ZC3H12D: variants seen among roughly 807,000 people sequenced by gnomAD.
ZC3H12D encodes zinc finger CCCH-type containing 12D, also known as probable ribonuclease ZC3H12D.
Under a neutral mutation model 24.2 loss-of-function variants are expected in ZC3H12D, and 11 were observed. The ratio of observed to expected loss-of-function variants is 0.46; its 90% CI spans 0.29 to 0.75. The LOEUF (loss-of-function observed/expected upper bound fraction) is 0.75, where lower values mean the gene tolerates loss of function less well. ZC3H12D is among the 30% of genes least tolerant of loss of function. The pLI, the probability that ZC3H12D is intolerant of heterozygous loss-of-function variation, is 0.11. For synonymous variants in ZC3H12D, 333 were observed against 341.8 expected (o/e 0.97, Z 0.28); for missense variants, 740 against 767.7 (o/e 0.96, Z 0.43).
At chr6:149,466,915 AT>A (rs1486145444) in intron 2 of ZC3H12D, among the ~76,000 whole-genome samples, 12 of 91,122 alleles carry the variant, frequency 1.3e-4, no homozygotes, top group African/African-American at 4.7e-4. Flanking sequence ...ATAAAATAAA[AT>A]AAAATAAAAT....
Position 149,458,109 on chromosome 6 carries a change from TTC to T in ZC3H12D, c.446-1211_446-1210del, listed in dbSNP as rs1452122425. Among the ~76,000 whole-genome samples, 885 of 108,918 alleles carry T rather than the reference TTC, an allele frequency of 8.1e-3. 12 individuals carry two copies. Among genetic ancestry groups the T allele is most frequent in the African/African-American group, 0.056 (846 of 15,026 alleles). The allele number at this position is 108,918 out of a possible 152,430, so 71.5% of individuals were successfully genotyped here. On this transcript the variant is annotated intron_variant, in intron 3 of 5. Transcript: ENST00000409806. ...TGAGAATCATTTTCTTTCTTTCTTT[TTC>T]TTTTTTTTTTTCGTTTCTTTTTTTT...
At chr6:149,454,715 C>T (rs1775953886) in intron 4 of ZC3H12D, among the ~76,000 whole-genome samples, 2 of 152,362 alleles carry the variant, frequency 1.3e-5, no homozygotes, top group South Asian at 2.1e-4. Flanking sequence ...GGACTTGGCT[C>T]CCGCCCCAGG....
At chr6:149,479,574 C>A (rs1776392584) in intron 1 of ZC3H12D, among the ~76,000 whole-genome samples, 1 of 152,196 alleles carries the variant, frequency 6.6e-6, no homozygotes. Flanking sequence ...TTGCTCACAC[C>A]TGTCTTATAA....
At chr6:149,461,095 C>A (rs1276417634) in intron 3 of ZC3H12D, among the ~76,000 whole-genome samples, 4 of 152,172 alleles carry the variant, frequency 2.6e-5, no homozygotes, top group Admixed American at 6.5e-5. Context: ...CTAATCCCAG[C>A]ACTTTGGGAG....
intron 2 of ZC3H12D, among the ~76,000 whole-genome samples, chr6:149,471,817 G>A (rs1304686080): frequency 1.3e-5 from 2 of 152,234 alleles, no homozygotes; most frequent in Non-Finnish European, 2.9e-5. Flanking sequence ...GCCAACAGGA[G>A]CCACACTTCT....
rs1441277442 is a variant in ZC3H12D at position 149,449,214 on chromosome 6, TCTGA to T, written c.*1465_*1468del. On this transcript the variant is annotated 3_prime_UTR_variant, in exon 6 of 6. Coordinates refer to ENST00000409806, the MANE Select transcript of ZC3H12D (RefSeq NM_207360.3). The stretch of plus-strand genomic sequence containing the variant: ...CGGCACCAGGAAGGTGGCAATAAAC[TCTGA>T]CTGAGCTCATGTCAGTTTTCTCCTA... The T allele has an allele frequency of 2.6e-5, 4 of 152,174 alleles. No homozygotes were observed. Among genetic ancestry groups the T allele is most frequent in the Non-Finnish European group, 4.4e-5 (3 of 68,060 alleles). 9.4% of individuals were successfully genotyped at this position (152,174 alleles called of 1,614,324 possible). A position where few individuals can be genotyped will look rare whatever the true frequency, so the allele number is the denominator to read the frequency against.
In ZC3H12D at chr6:149,456,811, C is replaced by A. The variant is rs762625741; in HGVS notation, c.535G>T (p.Asp179Tyr). 14 of 1,612,968 alleles carry A rather than the reference C, an allele frequency of 8.7e-6. No homozygotes were observed. The highest frequency in any genetic ancestry group is 6.8e-6 in the Non-Finnish European group (8 of 1,179,786). Reference protein sequence around the residue: ...KVHGKRLVCYDDRYIVKVAYE... With the variant: ...KVHGKRLVCYYDRYIVKVAYE... Reference sequence around the variant, plus strand: ...GCCACCTTCACGATGTAGCGGTCGTCGTAGCAGACCAGGCGCTTGCCGTGC... The same window carrying A: ...GCCACCTTCACGATGTAGCGGTCGTAGTAGCAGACCAGGCGCTTGCCGTGC... The change falls in exon 4 of 6, where the codon GAC (aspartate) becomes TAC (tyrosine). Residue 179 changes from aspartate (D) to tyrosine (Y), a missense_variant. Asp to Tyr is a radical substitution (Grantham distance 160, BLOSUM62 -3). Transcript: ENST00000409806. This position sits in a 1 kb window ranked among gnomAD's most constrained non-coding sequence, Gnocchi z 4.3.
chr6:149,449,255 G>T lies in ZC3H12D; in HGVS notation c.*1428C>A, dbSNP rs1311956611. On this transcript the variant is annotated 3_prime_UTR_variant, in exon 6 of 6. Coordinates refer to ENST00000409806, the MANE Select transcript of ZC3H12D (RefSeq NM_207360.3). ...TCAGTTTTCTCCTAACCCACCTGTAGATTTGAGAGCAAAAGTCCTGACTCA... is the reference window on the plus strand; with the variant it reads ...TCAGTTTTCTCCTAACCCACCTGTATATTTGAGAGCAAAAGTCCTGACTCA... 6.6e-6 allele frequency: 1 copy of T among 152,204 alleles called. No homozygotes were observed. Among genetic ancestry groups the T allele is most frequent in the Non-Finnish European group, 1.5e-5 (1 of 68,050 alleles). 9.4% of individuals were successfully genotyped at this position (152,204 alleles called of 1,614,324 possible).
chr6:149,471,805 C>T (rs1776248612), intron 2 of ZC3H12D, among the ~76,000 whole-genome samples: 2 of 152,244 alleles, frequency 1.3e-5, no homozygotes, highest in African/African-American at 2.4e-5. Context: ...AAGAACATTC[C>T]TGCCAACAGG....
intron 2 of ZC3H12D, among the ~76,000 whole-genome samples, chr6:149,464,167 G>T (rs1257372687): frequency 6.6e-6 from 1 of 152,190 alleles, no homozygotes; most frequent in Non-Finnish European, 1.5e-5. Flanking sequence ...TAGGTAGAGG[G>T]GGGCAATATC....
intron 2 of ZC3H12D, among the ~76,000 whole-genome samples, chr6:149,468,512 T>C (rs959829456): frequency 2.0e-5 from 3 of 152,170 alleles, no homozygotes; most frequent in African/African-American, 4.8e-5. Context: ...GTTGTGGCTA[T>C]GGGCAGGAGG....
chr6:149,464,441 A>C (rs381226), intron 2 of ZC3H12D, among the ~76,000 whole-genome samples: 55,182 of 151,990 alleles, frequency 0.36, 10,570 homozygotes, highest in African/African-American at 0.46. Flanking sequence ...ATCACTCCAC[A>C]TCCTCTTCCG....
chr6:149,462,451 C>T (rs450344), intron 2 of ZC3H12D, among the ~76,000 whole-genome samples: 72,619 of 152,044 alleles, frequency 0.48, 21,035 homozygotes, highest in African/African-American at 0.82. Context: ...GTTCATTCTT[C>T]CATTTACAAA....
rs1234563687 is a variant in ZC3H12D at position 149,450,792 on chromosome 6, T to G, written c.1475A>C (p.Asp492Ala). 6.5e-7 allele frequency: 1 copy of G among 1,549,170 alleles called. No homozygotes were observed. The highest frequency in any genetic ancestry group is 8.7e-7 in the Non-Finnish European group (1 of 1,146,780). The change falls in exon 6 of 6, where the codon GAC (aspartate) becomes GCC (alanine). Residue 492 changes from aspartate to alanine, a missense_variant. Transcript: ENST00000409806. ...CGCGGCCATCACGCGGTCCACCTGG[T>G]CACGCGGGAAGACGCTGTAGAGCGC... ...RIALYSVFPR[D>A]QVDRVMAAFP...
At chr6:149,453,313 TGAC>T (rs1775930912) in intron 4 of ZC3H12D, among the ~76,000 whole-genome samples, 1 of 122,430 alleles carries the variant, frequency 8.2e-6, no homozygotes, top group African/African-American at 3.2e-5. Flanking sequence ...AAAAAAAAAA[TGAC>T]AGCCTCCGAG....
At chr6:149,451,554 C>G (rs1775896625) in intron 5 of ZC3H12D, 75 bp from the exon 6 acceptor site, 4 of 1,288,768 alleles carry the variant, frequency 3.1e-6, no homozygotes, top group Non-Finnish European at 4.1e-6. Context: ...CTGGTGCATC[C>G]GGGGAGTGCC....
chr6:149,463,491 AT>A (rs1776107000), intron 2 of ZC3H12D, among the ~76,000 whole-genome samples: 1 of 152,152 alleles, frequency 6.6e-6, no homozygotes, highest in Non-Finnish European at 1.5e-5. Context: ...CAGGTGGATC[AT>A]GAGGTCAGGA....
chr6:149,451,520 G>C lies in ZC3H12D; in HGVS notation c.788-41C>G, dbSNP rs538897826. 17 of 1,501,436 alleles carry C rather than the reference G, an allele frequency of 1.1e-5. No homozygotes were observed. In the Admixed American group the frequency reaches 3.0e-4, roughly 27 times the overall value. 93.0% of individuals were successfully genotyped at this position (1,501,436 alleles called of 1,614,324 possible). A position where few individuals can be genotyped will look rare whatever the true frequency, so the allele number is the denominator to read the frequency against. On this transcript the variant is annotated intron_variant, in intron 5 of 5. Coordinates refer to ENST00000409806, the MANE Select transcript of ZC3H12D (RefSeq NM_207360.3). ...GCAGAGAGGGCGCGACGTGAGGCCC[G>C]GGGGCGCGGAGGGGCGGTGGTTCCT...
intron 2 of ZC3H12D, among the ~76,000 whole-genome samples, chr6:149,466,175 G>A (rs966199576): frequency 5.3e-5 from 8 of 151,956 alleles, no homozygotes; most frequent in Middle Eastern, 3.4e-3. Context: ...CATGTTTCCC[G>A]TTTAGAGGCC....
Sources: gnomAD v4.1 joint callset for allele counts (sites outside exome capture counted in the v4.1 genomes callset) on GRCh38, gnomAD v4.1.1 for gene constraint, Gnocchi (gnomAD v3.1) non-coding constraint, MANE v1.5 for transcripts, NCBI Gene and HGNC (gene_info 2026-07-23, HGNC 2026-07-21) for gene names.